PTOV1: variants seen among roughly 807,000 people sequenced by gnomAD.
PTOV1 encodes PTOV1 extended AT-hook containing adaptor protein, also known as prostate tumor-overexpressed gene 1 protein.
In PTOV1, 20 loss-of-function variants were observed where a neutral mutation model predicts 58.0. That is an observed-to-expected ratio of 0.34 (90% CI 0.24 to 0.50). The LOEUF is 0.50. Ranked by LOEUF, PTOV1 falls within the 20% of genes least tolerant of loss-of-function variation. PTOV1 has a pLI of 0.98. For missense variants in PTOV1, 593 were observed against 565.4 expected, an observed-to-expected ratio of 1.05 and a Z score of -0.50; for synonymous variants, 335 against 234.2, an observed-to-expected ratio of 1.43 and a Z score of -3.93.
At chr19:49,860,350 C>T (rs755786221) in exon 12 of PTOV1, 39 of 1,515,254 alleles carry the variant, frequency 2.6e-5, no homozygotes, top group Non-Finnish European at 3.0e-5. Context: ...AGTGGTGACC[C>T]TGTCATGTAC....
chr19:49,851,317 C>T, exon 1 of PTOV1: 1 of 1,056,996 alleles, frequency 9.5e-7, no homozygotes, highest in Non-Finnish European at 1.1e-6. Context: ...GCCCGCTCGG[C>T]CCGCGCCCGC....
chr19:49,854,593 T>TG, intron 2 of PTOV1, 50 bp downstream of exon 2: 1 of 1,612,848 alleles, frequency 6.2e-7, no homozygotes, highest in Non-Finnish European at 8.5e-7. Context: ...GTCTTGTCCC[T>TG]GCGGGGACAG....
At chr19:49,858,866 C>T in intron 10 of PTOV1, 2 of 531,330 alleles carry the variant, frequency 3.8e-6, no homozygotes, top group South Asian at 2.6e-5. Flanking sequence ...GGGCCTGCTC[C>T]TCCTCTGCCA....
chr19:49,859,920 G>C (rs566262142), intron 10 of PTOV1, 66 bp from the exon 11 acceptor site: 204 of 1,555,208 alleles, frequency 1.3e-4, no homozygotes, highest in Admixed American at 3.5e-4. Flanking sequence ...ACGGCATGAT[G>C]CCGTGGTTGG....
At chr19:49,855,405 T>G (rs918394871) in intron 5 of PTOV1, 2 of 365,556 alleles carry the variant, frequency 5.5e-6, no homozygotes, top group East Asian at 5.8e-5. Flanking sequence ...GGCAGGGACC[T>G]GGTAAATGGG....
chr19:49,851,106 G>C (rs904232827), upstream of PTOV1: 13 of 1,370,486 alleles, frequency 9.5e-6, no homozygotes, highest in Non-Finnish European at 1.2e-5. Context: ...GGTACGCTCC[G>C]GCCACGCCCC....
exon 2 of PTOV1, chr19:49,854,500 G>A (rs2074374990): frequency 1.2e-6 from 2 of 1,613,032 alleles, no homozygotes; most frequent in Non-Finnish European, 1.7e-6. Flanking sequence ...CACCGGCTCA[G>A]CAACAAGCTG....
Position 49,853,606 on chromosome 19 carries a change from A to C in PTOV1, c.172-800A>C, listed in dbSNP as rs534118650. ...CACTCCAGTCTGGGAAATGAGTGAA[A>C]CTCTGTCTCAAAAAAAAAATAGTAA... On this transcript the variant is annotated intron_variant, in intron 1 of 11. Coordinates refer to ENST00000391842, the Ensembl canonical transcript of PTOV1. Among the ~76,000 whole-genome samples, 209 of 139,778 alleles carry C rather than the reference A, an allele frequency of 1.5e-3. 1 individual carries two copies. The highest frequency in any genetic ancestry group is 5.6e-3 in the African/African-American group (203 of 36,016). 91.7% of individuals were successfully genotyped at this position (139,778 alleles called of 152,430 possible).
chr19:49,858,496 G>C, intron 9 of PTOV1, 53 bp from the exon 10 acceptor site: 2 of 1,447,604 alleles, frequency 1.4e-6, no homozygotes, highest in Non-Finnish European at 9.5e-7. Context: ...GCTGGGAGCC[G>C]GGAGGCCGTG....
chr19:49,851,718 GA>G, intron 1 of PTOV1: 45 of 1,125,866 alleles, frequency 4.0e-5, no homozygotes, highest in Non-Finnish European at 4.7e-5. Flanking sequence ...GGGGTTGGGG[GA>G]CGGGGGCGGG....
exon 7 of PTOV1, chr19:49,857,738 A>G (rs754221729): frequency 1.1e-5 from 18 of 1,613,080 alleles, no homozygotes; most frequent in Middle Eastern, 1.6e-4. Context: ...CCAGATCGTC[A>G]ACAACAAGTT....
intron 1 of PTOV1, chr19:49,852,989 A>C (rs1277899677): frequency 1.3e-5 from 2 of 152,216 alleles, no homozygotes; most frequent in Non-Finnish European, 1.5e-5. Context: ...ACGCCAAGAT[A>C]CTCAGGTTTT....
chr19:49,860,376 G>C (rs1008067902), exon 12 of PTOV1: 5 of 521,248 alleles, frequency 9.6e-6, no homozygotes, highest in South Asian at 8.4e-5. Flanking sequence ...GGACCCTGGG[G>C]CATGTGGGGG....
chr19:49,856,943 G>T, intron 5 of PTOV1, 32 bp from the exon 6 acceptor site: 1 of 1,610,098 alleles, frequency 6.2e-7, no homozygotes, highest in South Asian at 1.1e-5. Flanking sequence ...CCCGGGCAGT[G>T]ACCACAGGGT....
chr19:49,851,590 G>C, intron 1 of PTOV1, 91 bp downstream of exon 1: 1 of 996,620 alleles, frequency 1.0e-6, no homozygotes, highest in Non-Finnish European at 1.2e-6. Context: ...AGCCCCCGCC[G>C]CTCCGGGGTG....
At chr19:49,856,789 C>CG (rs1485328824) in intron 5 of PTOV1, 186 bp from the exon 6 acceptor site, 2 of 668,584 alleles carry the variant, frequency 3.0e-6, no homozygotes, top group African/African-American at 3.6e-5. Context: ...ATGGCAGGGT[C>CG]GGGGGATGCC....
intron 1 of PTOV1, chr19:49,852,213 C>T: frequency 2.5e-6 from 1 of 403,240 alleles, no homozygotes; most frequent in African/African-American, 2.2e-5. Context: ...CCCCTGGGTT[C>T]GCGCTCGGGT....
chr19:49,855,105 C>G, intron 5 of PTOV1, 28 bp downstream of exon 5: 2 of 1,544,894 alleles, frequency 1.3e-6, no homozygotes, highest in South Asian at 2.3e-5. Flanking sequence ...CCTTGTAGCA[C>G]TGTGGTGACA....
chr19:49,859,182 A>G (rs2074625165), intron 10 of PTOV1: 1 of 153,396 alleles, frequency 6.5e-6, no homozygotes, highest in Non-Finnish European at 1.5e-5. Context: ...CTTGGGTAAT[A>G]TCCCGAAACT....
Sources: allele counts gnomAD v4.1 joint callset (sites outside exome capture counted in the v4.1 genomes callset), GRCh38; gene constraint gnomAD v4.1.1; transcripts MANE v1.5; gene names NCBI Gene and HGNC (gene_info 2026-07-23, HGNC 2026-07-21).